Variants in GRB2 observed in about 807,000 individuals in gnomAD.
GRB2 encodes growth factor receptor bound protein 2, also known as growth factor receptor-bound protein 2.
In GRB2, 2 loss-of-function variants were observed where a neutral mutation model predicts 27.4. The ratio of observed to expected loss-of-function variants is 0.07; its 90% CI spans 0.03 to 0.23. The LOEUF (loss-of-function observed/expected upper bound fraction) is 0.23. GRB2 is among the 10% of genes least tolerant of loss of function. GRB2 has a pLI of 1.00. For missense variants in GRB2, 102 were observed against 282.4 expected, an observed-to-expected ratio of 0.36 and a Z score of 4.58; for synonymous variants, 94 against 99.6, an observed-to-expected ratio of 0.94 and a Z score of 0.33.
At chr17:75,385,955 A>C (rs764093555) in intron 2 of GRB2, among the ~76,000 whole-genome samples, 2 of 152,122 alleles carry the variant, frequency 1.3e-5, no homozygotes, top group Non-Finnish European at 2.9e-5. Context: ...AATTTCATGA[A>C]CTGGAAGGTG....
intron 2 of GRB2, among the ~76,000 whole-genome samples, chr17:75,352,618 AG>A (rs1331219278): frequency 1.3e-5 from 2 of 152,222 alleles, no homozygotes; most frequent in Non-Finnish European, 2.9e-5. Context: ...TTCCCAAAGG[AG>A]AAAAGCGATC....
intron 2 of GRB2, among the ~76,000 whole-genome samples, chr17:75,337,845 C>T (rs2078588515): frequency 6.8e-6 from 1 of 148,006 alleles, no homozygotes; most frequent in African/African-American, 2.5e-5. Flanking sequence ...GGATTATAGG[C>T]GTGAGCCACT....
chr17:75,324,057 G>A (rs1033152848), intron 4 of GRB2, among the ~76,000 whole-genome samples: 3 of 151,638 alleles, frequency 2.0e-5, no homozygotes, highest in Non-Finnish European at 2.9e-5. Flanking sequence ...TGATCGGCCC[G>A]CCTCAGCCTC....
chr17:75,351,186 A>C (rs1296474388), intron 2 of GRB2, among the ~76,000 whole-genome samples: 1 of 152,132 alleles, frequency 6.6e-6, no homozygotes, highest in Non-Finnish European at 1.5e-5. Context: ...AGAATCTAAA[A>C]TGAACACTGA....
intron 2 of GRB2, among the ~76,000 whole-genome samples, chr17:75,355,434 T>C (rs2078725445): frequency 6.6e-6 from 1 of 152,062 alleles, no homozygotes; most frequent in Non-Finnish European, 1.5e-5. Flanking sequence ...AAACATCTTG[T>C]TATAAAAGCT....
intron 2 of GRB2, among the ~76,000 whole-genome samples, chr17:75,368,302 G>A (rs574792046): frequency 4.1e-5 from 6 of 145,538 alleles, no homozygotes; most frequent in South Asian, 2.2e-4. Context: ...TGCAAACTCC[G>A]CCTCCCATGG....
chr17:75,404,831 T>A (rs561240493), intron 1 of GRB2: 3 of 152,346 alleles, frequency 2.0e-5, no homozygotes, highest in African/African-American at 7.2e-5. Context: ...ATAACTCATG[T>A]GTGGCTTACA....
chr17:75,343,034 A>G (rs1023118189), intron 2 of GRB2, among the ~76,000 whole-genome samples: 9 of 83,012 alleles, frequency 1.1e-4, no homozygotes, highest in Admixed American at 5.3e-4. Context: ...TGGGTGACAG[A>G]GAGAAACCTT....
At chr17:75,360,914 T>C (rs372777886) in intron 2 of GRB2, among the ~76,000 whole-genome samples, 1 of 152,230 alleles carries the variant, frequency 6.6e-6, no homozygotes, top group East Asian at 1.9e-4. Flanking sequence ...ACTACAGGCA[T>C]GTGCTGCCAC....
At chr17:75,335,286 C>T (rs1194985298) in intron 2 of GRB2, among the ~76,000 whole-genome samples, 2 of 152,014 alleles carry the variant, frequency 1.3e-5, no homozygotes, top group African/African-American at 4.8e-5. Flanking sequence ...TGAATACAAC[C>T]CCAAAATGGT....
chr17:75,378,534 CAT>C (rs2078908975), intron 2 of GRB2, among the ~76,000 whole-genome samples: 1 of 152,116 alleles, frequency 6.6e-6, no homozygotes, highest in African/African-American at 2.4e-5. Flanking sequence ...GAGAGAAAAA[CAT>C]ATAGAAATTT....
At chr17:75,354,270 G>A (rs200331532) in intron 2 of GRB2, among the ~76,000 whole-genome samples, 3 of 121,024 alleles carry the variant, frequency 2.5e-5, no homozygotes, top group African/African-American at 6.1e-5. Flanking sequence ...TTTTTGGGGG[G>A]GGGGGGGAGA....
intron 1 of GRB2, among the ~76,000 whole-genome samples, chr17:75,403,271 T>C (rs1249357172): frequency 6.6e-6 from 1 of 151,456 alleles, no homozygotes; most frequent in Non-Finnish European, 1.5e-5. Context: ...GCATGGTGAC[T>C]CTCTATTCTG....
chr17:75,328,940 A>T (rs144534599), intron 3 of GRB2, among the ~76,000 whole-genome samples: 1 of 147,020 alleles, frequency 6.8e-6, no homozygotes, highest in Non-Finnish European at 1.5e-5. Flanking sequence ...TCGCTTTCAA[A>T]AAATAAATAA....
At chr17:75,325,061 C>A (rs566271796) in intron 4 of GRB2, among the ~76,000 whole-genome samples, 1 of 151,908 alleles carries the variant, frequency 6.6e-6, no homozygotes, top group African/African-American at 2.4e-5. Context: ...GGGGACAGAG[C>A]GAGACTCTGT....
At chr17:75,341,615 G>C (rs889957065) in intron 2 of GRB2, among the ~76,000 whole-genome samples, 15 of 151,996 alleles carry the variant, frequency 9.9e-5, no homozygotes, top group African/African-American at 3.4e-4. Flanking sequence ...GAAAGACAGG[G>C]AGGAGGACAA....
intron 2 of GRB2, among the ~76,000 whole-genome samples, chr17:75,338,414 C>T (rs2078596286): frequency 6.6e-6 from 1 of 152,202 alleles, no homozygotes; most frequent in African/African-American, 2.4e-5. Flanking sequence ...GAGCAAGCTG[C>T]TCCCATCACT....
chr17:75,358,914 T>TATAA (rs775869826), intron 2 of GRB2, among the ~76,000 whole-genome samples: 1 of 30,984 alleles, frequency 3.2e-5, no homozygotes, highest in African/African-American at 4.2e-5. Flanking sequence ...TATATATATA[T>TATAA]AAATATATAT....
At position 75,364,554 on chromosome 17, in the gene GRB2, T is replaced by C. The variant is rs558208666; in HGVS notation, c.78+28997A>G. ...AACCCAGGTCTGACCAATTCCAGAG[T>C]CCATGTCTGTAACCACTATGTAAAC... On this transcript the variant is annotated intron_variant, in intron 2 of 5. Transcript: ENST00000316804. 1.3e-3 allele frequency among the ~76,000 whole-genome samples: 194 copies of C among 152,024 alleles called. 1 individual carries two copies. Among genetic ancestry groups the C allele is most frequent in the African/African-American group, 4.5e-3 (185 of 41,440 alleles).
Sources: allele counts gnomAD v4.1 joint callset (sites outside exome capture counted in the v4.1 genomes callset), GRCh38; gene constraint gnomAD v4.1.1; transcripts MANE v1.5; gene names NCBI Gene and HGNC (gene_info 2026-07-23, HGNC 2026-07-21).